MAPKAPK3: variants seen among roughly 807,000 people sequenced by gnomAD.
The protein encoded by MAPKAPK3 is MAPK activated protein kinase 3, also known as MAP kinase-activated protein kinase 3.
In MAPKAPK3, 35 loss-of-function variants were observed where a neutral mutation model predicts 49.2. That is an observed-to-expected ratio of 0.71 (90% CI 0.54 to 0.94). The LOEUF (loss-of-function observed/expected upper bound fraction) is 0.94. MAPKAPK3 is among the 40% of genes least tolerant of loss of function. The pLI is 0.00. For synonymous variants in MAPKAPK3, 178 were observed against 188.7 expected, an observed-to-expected ratio of 0.94 and a Z score of 0.46; for missense variants, 398 against 493.1, an observed-to-expected ratio of 0.81 and a Z score of 1.83.
chr3:50,617,700 G>A lies in MAPKAPK3; in HGVS notation c.135G>A (p.Leu45=). ...ACGCAGTGACCGACGACTACCAGTT[G>A]TCCAAGCAGGTGCTGGGCCTGGGTG... is the stretch of plus-strand genomic sequence containing the variant. ...KKYAVTDDYQ[L]SKQVLGLGVN... Residue 45 remains leucine, a synonymous_variant, in exon 2 of 11, where the codon TTG becomes TTA. Coordinates refer to ENST00000621469, the MANE Select transcript of MAPKAPK3 (RefSeq NM_001243925.2). The A allele has an allele frequency of 6.2e-7, 1 of 1,613,638 alleles. No homozygotes were observed. Among genetic ancestry groups the A allele is most frequent in the Non-Finnish European group, 8.5e-7 (1 of 1,179,986 alleles).
upstream of MAPKAPK3, among the ~76,000 whole-genome samples, chr3:50,616,295 TC>T (rs1157919676): frequency 6.6e-6 from 1 of 151,362 alleles, no homozygotes. Context: ...AGTTGTTTTC[TC>T]CCCAGGGGTC....
chr3:50,647,011 C>A (rs2033316055), intron 9 of MAPKAPK3, 112 bp from the exon 10 acceptor site: 1 of 1,135,808 alleles, frequency 8.8e-7, no homozygotes, highest in Non-Finnish European at 1.3e-6. Context: ...CCTTCCCCAC[C>A]CTGAGCCTTG....
chr3:50,617,409 A>C, intron 1 of MAPKAPK3, 105 bp from the exon 2 acceptor site: 1 of 582,508 alleles, frequency 1.7e-6, no homozygotes, highest in Non-Finnish European at 3.1e-6. Context: ...TTCGTCCCGC[A>C]CTCCCAGCTT....
At chr3:50,622,280 G>A (rs559186625) in intron 2 of MAPKAPK3, among the ~76,000 whole-genome samples, 1 of 152,330 alleles carries the variant, frequency 6.6e-6, no homozygotes, top group South Asian at 2.1e-4. Context: ...GGCTGTGTAT[G>A]TTCTGAGCCT....
At chr3:50,629,903 T>C (rs1336292840) in intron 2 of MAPKAPK3, among the ~76,000 whole-genome samples, 1 of 152,184 alleles carries the variant, frequency 6.6e-6, no homozygotes, top group African/African-American at 2.4e-5. Flanking sequence ...ATTTCAAAAT[T>C]TGTGTTGGCT....
chr3:50,633,039 A>T (rs1334805465), intron 2 of MAPKAPK3, among the ~76,000 whole-genome samples: 1 of 152,072 alleles, frequency 6.6e-6, no homozygotes, highest in East Asian at 1.9e-4. Flanking sequence ...GAAGACAGAC[A>T]GAGTGATTTT....
At chr3:50,611,980 A>G (rs1575988857) in exon 1 of MAPKAPK3, 1 of 371,616 alleles carries the variant, frequency 2.7e-6, no homozygotes, top group Non-Finnish European at 4.8e-6. Context: ...CAGTGAAAGG[A>G]AATACTTTGA....
chr3:50,645,703 C>T lies in MAPKAPK3; in HGVS notation c.629-7C>T, dbSNP rs2107601584. 1 of 1,613,770 alleles carries T rather than the reference C, an allele frequency of 6.2e-7. No individual in the cohort carries two copies. On this transcript the variant is annotated splice_polypyrimidine_tract_variant and splice_region_variant and intron_variant, in intron 6 of 10. Transcript: ENST00000621469. ...CTGAGAGCCCTGCTGTCCCTCTGCC[C>T]TGGCAGCCCCTGAGGTCCTGGGTCC...
intron 4 of MAPKAPK3, 110 bp from the exon 5 acceptor site, chr3:50,642,143 C>T (rs1289914883): frequency 1.3e-6 from 1 of 754,742 alleles, no homozygotes; most frequent in African/African-American, 1.7e-5. Context: ...AGTGCTGTCA[C>T]TGTCTTCTTG....
chr3:50,614,218 C>T (rs1257142652), upstream of MAPKAPK3: 1 of 152,330 alleles, frequency 6.6e-6, no homozygotes, highest in Admixed American at 6.5e-5. Context: ...GCCCTGGCTG[C>T]TCCCTAGAAA....
intron 2 of MAPKAPK3, among the ~76,000 whole-genome samples, chr3:50,639,716 AG>A (rs1241038443): frequency 1.3e-5 from 2 of 152,106 alleles, no homozygotes; most frequent in East Asian, 3.9e-4. Context: ...CCTCTCCTGC[AG>A]GAAGTCTTCC....
At chr3:50,611,737 G>C, upstream of MAPKAPK3, 2 of 1,402,782 alleles carry the variant, frequency 1.4e-6, no homozygotes, top group Non-Finnish European at 1.9e-6. Flanking sequence ...GCGCGTGCTG[G>C]GTAGGCTCCC....
chr3:50,613,427 T>A (rs1051339522), upstream of MAPKAPK3, among the ~76,000 whole-genome samples: 3 of 152,162 alleles, frequency 2.0e-5, no homozygotes, highest in African/African-American at 7.2e-5. Flanking sequence ...CCCTCCTGAG[T>A]TGGCCAGAAG....
chr3:50,646,963 C>T lies in MAPKAPK3; in HGVS notation c.915+138C>T, dbSNP rs146512322. On this transcript the variant is annotated intron_variant, in intron 9 of 10. Coordinates refer to ENST00000621469, the MANE Select transcript of MAPKAPK3 (RefSeq NM_001243925.2). Reference sequence around the variant, plus strand: ...TGCACACAGGTAGATACTAGGGCCTCACCTACAACCTGGCTTTGTCACTGC... The same window carrying T: ...TGCACACAGGTAGATACTAGGGCCTTACCTACAACCTGGCTTTGTCACTGC... 97 of 1,017,008 alleles carry T rather than the reference C, an allele frequency of 9.5e-5. No individual in the cohort carries two copies. In the African/African-American group the frequency reaches 1.5e-3, roughly 16 times the overall value. The allele number at this position is 1,017,008 out of a possible 1,614,324, so 63.0% of individuals were successfully genotyped here.
intron 6 of MAPKAPK3, among the ~76,000 whole-genome samples, chr3:50,645,242 A>G (rs1166278987): frequency 6.6e-6 from 1 of 152,032 alleles, no homozygotes; most frequent in African/African-American, 2.4e-5. Flanking sequence ...TAGCCTACCC[A>G]CCTCATTGCA....
intron 6 of MAPKAPK3, 47 bp downstream of exon 6, chr3:50,644,579 A>T (rs2033246347): frequency 6.2e-7 from 1 of 1,607,284 alleles, no homozygotes; most frequent in African/African-American, 1.3e-5. Context: ...CAACTTATAC[A>T]GCTGTATTAT....
At chr3:50,622,848 A>G (rs1325182891) in intron 2 of MAPKAPK3, among the ~76,000 whole-genome samples, 3 of 152,212 alleles carry the variant, frequency 2.0e-5, no homozygotes, top group African/African-American at 7.2e-5. Flanking sequence ...CTCTGAGTAG[A>G]CAGAGGGGCT....
chr3:50,640,740 C>G (rs546075791), intron 3 of MAPKAPK3, among the ~76,000 whole-genome samples: 1 of 152,348 alleles, frequency 6.6e-6, no homozygotes, highest in Admixed American at 6.5e-5. Flanking sequence ...TATGGCCTCC[C>G]TGAGTGTGAT....
chr3:50,646,923 G>T, intron 9 of MAPKAPK3, 98 bp downstream of exon 9: 1 of 1,258,500 alleles, frequency 7.9e-7, no homozygotes, highest in Non-Finnish European at 1.2e-6. Context: ...CCAGTGCAGG[G>T]CTGGAATGGG....
Sources: allele counts gnomAD v4.1 joint callset (sites outside exome capture counted in the v4.1 genomes callset), GRCh38; gene constraint gnomAD v4.1.1; transcripts MANE v1.5; gene names NCBI Gene and HGNC (gene_info 2026-07-23, HGNC 2026-07-21).